The following CES5A variants were observed in gnomAD, a reference collection of about 807,000 sequenced individuals.
CES5A encodes carboxylesterase 5.
CES5A carries 67 observed loss-of-function variants against 62.9 expected under a neutral mutation model. That is an observed-to-expected ratio of 1.07 (90% confidence interval 0.88 to 1.31). The LOEUF (loss-of-function observed/expected upper bound fraction) is 1.31. Among genes scored for constraint, CES5A ranks in the 50% most tolerant of loss-of-function variants. The pLI is 0.00. For missense variants in CES5A, 748 were observed against 708.5 expected, an observed-to-expected ratio of 1.06 and a Z score of -0.63; for synonymous variants, 296 against 280.8, an observed-to-expected ratio of 1.05 and a Z score of -0.54.
chr16:55,941,723 T>TA (rs2034448637), intron 2 of CES5A, among the ~76,000 whole-genome samples: 1 of 152,114 alleles, frequency 6.6e-6, no homozygotes, highest in Non-Finnish European at 1.5e-5. Context: ...TGATTTCCTA[T>TA]AAAGCTTCAG....
intron 10 of CES5A, among the ~76,000 whole-genome samples, chr16:55,850,748 G>A (rs2033115004): frequency 6.6e-6 from 1 of 152,236 alleles, no homozygotes; most frequent in Admixed American, 6.5e-5. Context: ...CCCTAGGACT[G>A]GATTTGCTAG....
intron 1 of CES5A, among the ~76,000 whole-genome samples, chr16:55,890,678 C>A (rs1415716457): frequency 6.6e-6 from 1 of 152,096 alleles, no homozygotes; most frequent in Non-Finnish European, 1.5e-5. Context: ...TGTATTACAA[C>A]AAACTGAGGC....
chr16:55,877,197 C>T (rs1433787021), upstream of CES5A, among the ~76,000 whole-genome samples: 1 of 152,166 alleles, frequency 6.6e-6, no homozygotes, highest in African/African-American at 2.4e-5. Context: ...CACAGCCAGA[C>T]ACCATCTTGG....
rs756669720 is a variant in CES5A, at chr16:55,849,604, G to A, written c.1423+20C>T. 6 of 1,613,020 alleles carry A rather than the reference G, an allele frequency of 3.7e-6. No individual in the cohort carries two copies. The highest frequency in any genetic ancestry group is 5.1e-6 in the Non-Finnish European group (6 of 1,179,278). ...AGCAAGGGGCTTCATGTGAACTGTG[G>A]GAAGTGGCCAGTCCCTTACCGAACA... On this transcript the variant is annotated intron_variant, in intron 11 of 12. Coordinates refer to ENST00000290567, the MANE Select transcript of CES5A (RefSeq NM_001143685.2).
chr16:55,955,151 A>G (rs2034595563), intron 1 of CES5A, among the ~76,000 whole-genome samples: 1 of 152,126 alleles, frequency 6.6e-6, no homozygotes, highest in Non-Finnish European at 1.5e-5. Flanking sequence ...AGTGTACACC[A>G]AAGAAATCAG....
At position 55,918,903 on chromosome 16, in the gene CES5A, A is replaced by C. The variant is rs58117936; in HGVS notation, c.-256+6420T>G. On this transcript the variant is annotated intron_variant, in intron 1 of 12. Transcript: ENST00000518005. ...AACTTTTATCCCTTCCCACTTCCCCACCCCTACAAATCTCAAAATCCAGGG... is the reference window on the plus strand; with the variant it reads ...AACTTTTATCCCTTCCCACTTCCCCCCCCCTACAAATCTCAAAATCCAGGG... Among the ~76,000 whole-genome samples, 432 of 152,236 alleles carry C rather than the reference A, an allele frequency of 2.8e-3. 2 individuals carry two copies. The highest frequency in any genetic ancestry group is 0.01 in the African/African-American group (420 of 41,546).
chr16:55,951,426 T>C (rs538844495), intron 1 of CES5A, among the ~76,000 whole-genome samples: 37 of 152,218 alleles, frequency 2.4e-4, no homozygotes, highest in African/African-American at 8.9e-4. Flanking sequence ...CATCAATCTA[T>C]GCATTAGCAA....
At position 55,873,849 on chromosome 16, in the gene CES5A, TG is replaced by T. The variant is rs757016414; in HGVS notation, c.261del (p.Thr88ProfsTer16). The T allele has an allele frequency of 1.2e-5, 19 of 1,612,634 alleles. No individual in the cohort carries two copies. The African/African-American group carries it at 2.4e-4, about 20-fold the overall frequency. ...PASPWDNLRE[A>X]TSYPNLCLQN... ...TGGTCTTACAAATTAGGGTAGGAGG[TG>T]GCTTCTCGCAAGTTATCCCAGGGCG... On this transcript the variant is annotated frameshift_variant, in exon 2 of 13. Transcript: ENST00000290567. LOFTEE classifies it high-confidence loss of function.
At chr16:55,942,412 T>C (rs2034455188) in intron 2 of CES5A, among the ~76,000 whole-genome samples, 1 of 152,144 alleles carries the variant, frequency 6.6e-6, no homozygotes. Flanking sequence ...GCAAATAACT[T>C]AAAAGATACT....
chr16:55,920,754 T>C (rs9921792), intron 1 of CES5A, among the ~76,000 whole-genome samples: 5,505 of 152,180 alleles, frequency 0.036, 340 homozygotes, highest in African/African-American at 0.12. Flanking sequence ...ACCATGATCT[T>C]CTCAAATGGA....
In CES5A at chr16:55,866,122, G is replaced by A. The variant is rs373618678; in HGVS notation, c.552-6C>T. 2.6e-5 allele frequency: 41 copies of A among 1,605,276 alleles called. No homozygotes were observed. The highest frequency in any genetic ancestry group is 3.2e-5 in the Non-Finnish European group (38 of 1,174,680). On this transcript the variant is annotated splice_polypyrimidine_tract_variant and splice_region_variant and intron_variant, in intron 4 of 12. Coordinates refer to ENST00000290567, the MANE Select transcript of CES5A (RefSeq NM_001143685.2). The stretch of plus-strand genomic sequence containing the variant: ...GAGCATGCTGATCCCATGTGCTGAG[G>A]ACAAGAGGCAGGGTGAGAATTCTTG...
intron 1 of CES5A, among the ~76,000 whole-genome samples, chr16:55,954,022 T>C (rs1377877632): frequency 1.3e-5 from 2 of 152,224 alleles, no homozygotes; most frequent in Non-Finnish European, 2.9e-5. Flanking sequence ...CCATTAATCA[T>C]CCCCACTTTT....
At chr16:55,880,350 C>A (rs2033748453), upstream of CES5A, among the ~76,000 whole-genome samples, 1 of 152,162 alleles carries the variant, frequency 6.6e-6, no homozygotes, top group East Asian at 1.9e-4. Flanking sequence ...ACAGAAGGGT[C>A]ATGAGAGCTG....
At chr16:55,874,915 G>A (rs1256913652) in intron 1 of CES5A, among the ~76,000 whole-genome samples, 1 of 152,188 alleles carries the variant, frequency 6.6e-6, no homozygotes, top group Admixed American at 6.5e-5. Flanking sequence ...TAAACCCCTT[G>A]CAGGGTGTGA....
chr16:55,892,336 T>C (rs1426918257), intron 1 of CES5A, among the ~76,000 whole-genome samples: 1 of 152,202 alleles, frequency 6.6e-6, no homozygotes, highest in East Asian at 1.9e-4. Context: ...GTTTGATCAG[T>C]GTCTCATGCC....
chr16:55,938,811 T>TAA (rs2034414400), intron 2 of CES5A, among the ~76,000 whole-genome samples: 1 of 110,186 alleles, frequency 9.1e-6, no homozygotes, highest in African/African-American at 3.6e-5. Flanking sequence ...CACATATATA[T>TAA]ATATACACAC....
chr16:55,949,855 A>G (rs1333682304), exon 2 of CES5A: 1 of 1,528,334 alleles, frequency 6.5e-7, no homozygotes, highest in South Asian at 1.2e-5. Flanking sequence ...CTGGATAAAA[A>G]TAGTAAACCA....
rs546106917 is a variant in CES5A at position 55,884,834 on chromosome 16, C to T, written c.-255-10797G>A. 1.4e-4 allele frequency among the ~76,000 whole-genome samples: 21 copies of T among 152,216 alleles called. No individual in the cohort carries two copies. In the South Asian group the frequency reaches 2.1e-3, roughly 15 times the overall value. On this transcript the variant is annotated intron_variant, in intron 1 of 12. Transcript: ENST00000518005. The stretch of plus-strand genomic sequence containing the variant: ...CTTGAACTCCTTGGCTTAAGTGATC[C>T]GCCCACCTAGGCCTTCCAAAGTGCT...
chr16:55,943,140 G>A (rs1281003145), intron 2 of CES5A, among the ~76,000 whole-genome samples: 3 of 152,070 alleles, frequency 2.0e-5, no homozygotes, highest in Non-Finnish European at 2.9e-5. Context: ...TTAGAGTTGC[G>A]CATTTCTATT....
Sources: gnomAD v4.1 joint callset for allele counts (sites outside exome capture counted in the v4.1 genomes callset) on GRCh38, gnomAD v4.1.1 for gene constraint, MANE v1.5 for transcripts, NCBI Gene and HGNC (gene_info 2026-07-23, HGNC 2026-07-21) for gene names.